Variants in KANK2 observed in about 807,000 individuals in gnomAD.
KANK2 encodes KN motif and ankyrin repeat domain-containing protein 2.
A neutral mutation model predicts 74.6 loss-of-function variants in KANK2; 41 were observed. The ratio of observed to expected loss-of-function variants is 0.55; its 90% CI spans 0.43 to 0.71. KANK2 has a LOEUF of 0.71. KANK2 is among the 30% of genes least tolerant of loss of function. The pLI is 0.00. For missense variants in KANK2, 1,148 were observed against 1,196.4 expected (o/e 0.96, Z 0.60); for synonymous variants, 537 against 519.0 (o/e 1.03, Z -0.47).
chr19:11,178,180 T>C (rs751978112), intron 6 of KANK2, among the ~76,000 whole-genome samples, 165 bp downstream of exon 6: 3 of 152,296 alleles, frequency 2.0e-5, no homozygotes, highest in Non-Finnish European at 4.4e-5. Flanking sequence ...AGAAATGCGC[T>C]TAGCCTTCCT....
chr19:11,173,197 G>A (rs564521244), intron 9 of KANK2, 74 bp from the exon 10 acceptor site: 103 of 1,508,430 alleles, frequency 6.8e-5, no homozygotes, highest in East Asian at 4.1e-4. Flanking sequence ...TGGATACCAC[G>A]TCTCGTCCAT....
At chr19:11,181,653 G>A (rs2078522464) in intron 4 of KANK2, among the ~76,000 whole-genome samples, 1 of 152,056 alleles carries the variant, frequency 6.6e-6, no homozygotes. Context: ...AGTTTGGAAA[G>A]ATGAGAAAGT....
At chr19:11,196,796 C>T (rs1236928827) in intron 1 of KANK2, 1 of 152,308 alleles carries the variant, frequency 6.6e-6, no homozygotes, top group Non-Finnish European at 1.5e-5. Flanking sequence ...AGACTGGAGC[C>T]TATAAGAGGG....
chr19:11,187,815 C>T (rs12461546), intron 4 of KANK2, among the ~76,000 whole-genome samples: 10,010 of 152,066 alleles, frequency 0.066, 377 homozygotes, highest in Admixed American at 0.091. Context: ...AAGCTGGGCA[C>T]GGTGGCACAC....
In KANK2 at chr19:11,193,630, G is replaced by A; in HGVS notation, c.450C>T (p.Pro150=). Residue 150 remains proline, a synonymous_variant, in exon 4 of 13, where the codon CCC becomes CCT. Coordinates refer to ENST00000586659, the MANE Select transcript of KANK2 (RefSeq NM_001136191.3). The surrounding 1 kb of genome is among the most constrained non-coding windows in gnomAD (Gnocchi z 9.6). The stretch of plus-strand genomic sequence containing the variant: ...GGGAGGCTGTCGAGCCGGCCGCACT[G>A]GGGGTCAGGGAGCCCAGGCCGGTGG... ...ATPTGLGSLT[P]SAAGSTASLV... 2 of 1,592,406 alleles carry A rather than the reference G, an allele frequency of 1.3e-6. No homozygotes were observed. Among genetic ancestry groups the A allele is most frequent in the African/African-American group, 1.3e-5 (1 of 74,594 alleles).
intron 6 of KANK2, 27 bp downstream of exon 6, chr19:11,178,318 G>A: frequency 3.3e-6 from 2 of 614,292 alleles, no homozygotes; most frequent in African/African-American, 4.4e-5. Flanking sequence ...GAAGTATGGG[G>A]TGGGGGGTGG....
At position 11,178,540 on chromosome 19, in the gene KANK2, A is replaced by G. The variant is rs1409553750; in HGVS notation, c.1417+13T>C. On this transcript the variant is annotated intron_variant, in intron 5 of 12. Coordinates refer to ENST00000586659, the MANE Select transcript of KANK2 (RefSeq NM_001136191.3). ...CGGTGCCCCGTCCCTCTTGGCGGCC[A>G]CCCACCACTTACCGGTGCCCCCGGC... 5.6e-5 allele frequency: 90 copies of G among 1,602,976 alleles called. No individual in the cohort carries two copies. The highest frequency in any genetic ancestry group is 7.6e-5 in the Non-Finnish European group (89 of 1,176,482).
intron 10 of KANK2, among the ~76,000 whole-genome samples, chr19:11,171,095 G>A (rs2078161508): frequency 6.6e-6 from 1 of 152,180 alleles, no homozygotes; most frequent in Admixed American, 6.5e-5. Context: ...GAGCCATCGT[G>A]CCCAGCCTAA....
chr19:11,187,694 G>A (rs1166079612), intron 4 of KANK2, among the ~76,000 whole-genome samples: 5 of 152,196 alleles, frequency 3.3e-5, no homozygotes, highest in African/African-American at 7.2e-5. Flanking sequence ...TATTGTCTAC[G>A]GCTGCTTTTG....
At position 11,169,710 on chromosome 19, in the gene KANK2, A is replaced by C. The variant is rs574325681; in HGVS notation, c.2502+167T>G. The stretch of plus-strand genomic sequence containing the variant: ...CAGCTACTCAGGAGGCTGAGGCAGC[A>C]GAATGGCTTGAAGCCGGGAGGCGGA... On this transcript the variant is annotated intron_variant, in intron 12 of 12. Coordinates refer to ENST00000586659, the MANE Select transcript of KANK2 (RefSeq NM_001136191.3). The C allele has an allele frequency of 2.0e-3, 1,241 of 619,202 alleles. 7 individuals are homozygous for C. Among genetic ancestry groups the C allele is most frequent in the South Asian group, 4.4e-3 (230 of 52,242 alleles). 38.4% of individuals were successfully genotyped at this position (619,202 alleles called of 1,614,324 possible). A position where few individuals can be genotyped will look rare whatever the true frequency, so the allele number is the denominator to read the frequency against.
chr19:11,180,581 T>C (rs1293576349), intron 4 of KANK2, among the ~76,000 whole-genome samples: 1 of 152,134 alleles, frequency 6.6e-6, no homozygotes, highest in Non-Finnish European at 1.5e-5. Flanking sequence ...GGCCAGCTCA[T>C]ACCACAGAAA....
intron 4 of KANK2, among the ~76,000 whole-genome samples, chr19:11,184,801 G>A (rs1455123911): frequency 6.8e-6 from 1 of 148,098 alleles, no homozygotes; most frequent in East Asian, 1.9e-4. Context: ...TGACTTCAGG[G>A]AACTTCTTTT....
chr19:11,193,562 C>T lies in KANK2; in HGVS notation c.518G>A (p.Gly173Glu), dbSNP rs776227364. ...GLPPPTPRSSGLSTPVPPSAG... is the reference protein window; with the variant it reads ...GLPPPTPRSSELSTPVPPSAG... ...ACTGGGAGGCACCGGTGTGGACAGTCCTGAACTCCGTGGTGTCGGGGGTGG... is the reference window on the plus strand; with the variant it reads ...ACTGGGAGGCACCGGTGTGGACAGTTCTGAACTCCGTGGTGTCGGGGGTGG... Residue 173 changes from glycine to glutamate, a missense_variant, in exon 4 of 13, where the codon GGA (glycine) becomes GAA (glutamate). Gly to Glu is a moderately conservative substitution (Grantham distance 98). Coordinates refer to ENST00000586659, the MANE Select transcript of KANK2 (RefSeq NM_001136191.3). This position sits in a 1 kb window ranked among gnomAD's most constrained non-coding sequence, Gnocchi z 9.6. 33 of 1,596,670 alleles carry T rather than the reference C, an allele frequency of 2.1e-5. No homozygotes were observed. The East Asian group carries it at 6.7e-4, about 32-fold the overall frequency.
intron 6 of KANK2, among the ~76,000 whole-genome samples, chr19:11,177,059 C>G (rs2078363190): frequency 1.3e-5 from 2 of 150,398 alleles, no homozygotes; most frequent in Non-Finnish European, 2.9e-5. Flanking sequence ...CTTTTCACCT[C>G]CTGCCTTTTG....
At chr19:11,181,113 A>AAAG (rs1555818111) in intron 4 of KANK2, among the ~76,000 whole-genome samples, 2,443 of 98,266 alleles carry the variant, frequency 0.025, 456 homozygotes, top group East Asian at 0.093. Flanking sequence ...AAAAAAAAAA[A>AAAG]AAATTCTGGG....
chr19:11,178,216 T>G, intron 6 of KANK2, 129 bp downstream of exon 6: 65 of 720,714 alleles, frequency 9.0e-5, no homozygotes, highest in Non-Finnish European at 1.3e-4. Flanking sequence ...CATCTCTGTG[T>G]TGTGGTTTGA....
chr19:11,195,199 A>T (rs556383142), intron 2 of KANK2: 1 of 152,350 alleles, frequency 6.6e-6, no homozygotes, highest in African/African-American at 2.4e-5. Context: ...CTCTAAAAAT[A>T]AACAGTTTCA....
chr19:11,185,176 T>C (rs915583023), intron 4 of KANK2, among the ~76,000 whole-genome samples: 1 of 147,760 alleles, frequency 6.8e-6, no homozygotes, highest in African/African-American at 2.5e-5. Flanking sequence ...TCCCAGCACT[T>C]TGGGGGGCCG....
At chr19:11,191,506 GC>G (rs962047710) in intron 4 of KANK2, among the ~76,000 whole-genome samples, 9 of 152,194 alleles carry the variant, frequency 5.9e-5, no homozygotes, top group African/African-American at 2.2e-4. Context: ...CTTGGGTGGG[GC>G]TCCCCTACCC....
Sources: gnomAD v4.1 joint callset for allele counts (sites outside exome capture counted in the v4.1 genomes callset) on GRCh38, gnomAD v4.1.1 for gene constraint, Gnocchi (gnomAD v3.1) non-coding constraint, MANE v1.5 for transcripts, NCBI Gene and HGNC (gene_info 2026-07-23, HGNC 2026-07-21) for gene names.